FHIT: variants seen among roughly 807,000 people sequenced by gnomAD.
The protein encoded by FHIT is fragile histidine triad diadenosine triphosphatase.
Under a neutral mutation model 17.9 loss-of-function variants are expected in FHIT, and 19 were observed. The observed-to-expected ratio is 1.06, with a 90% CI of 0.74 to 1.56. The LOEUF (loss-of-function observed/expected upper bound fraction) is 1.56, where lower values mean the gene tolerates loss of function less well. Ranked by LOEUF, FHIT falls within the 40% of genes most tolerant of loss-of-function variation. The pLI, the probability that FHIT is intolerant of heterozygous loss-of-function variation, is 0.00. For missense variants in FHIT, 248 were observed against 189.2 expected, an observed-to-expected ratio of 1.31 and a Z score of -1.82; for synonymous variants, 81 against 69.7, an observed-to-expected ratio of 1.16 and a Z score of -0.81.
At position 60,459,166 on chromosome 3, in the gene FHIT, G is replaced by C. The variant is rs1163040332; in HGVS notation, c.103+77694C>G. Among the ~76,000 whole-genome samples, 3 of 152,036 alleles carry C rather than the reference G, an allele frequency of 2.0e-5. 1 individual carries two copies. The highest frequency in any genetic ancestry group is 7.2e-5 in the African/African-American group (3 of 41,398). On this transcript the variant is annotated intron_variant, in intron 5 of 9. Transcript: ENST00000492590. ...AATTCTAGCTTCATCAAAATCACTT[G>C]GAGCTTTTACATTAATGTTTAAAAT...
chr3:59,864,102 T>C (rs1426994181), intron 8 of FHIT, among the ~76,000 whole-genome samples: 1 of 152,192 alleles, frequency 6.6e-6, no homozygotes, highest in African/African-American at 2.4e-5. Flanking sequence ...GTGATCGGCC[T>C]ATATTCTTAA....
chr3:60,191,603 T>A (rs1576283384), intron 5 of FHIT, among the ~76,000 whole-genome samples: 1 of 152,178 alleles, frequency 6.6e-6, no homozygotes. Flanking sequence ...AAAAGTAGTA[T>A]TTTTTTATAT....
intron 4 of FHIT, among the ~76,000 whole-genome samples, chr3:60,737,532 T>C (rs2042158160): frequency 6.6e-6 from 1 of 152,236 alleles, no homozygotes; most frequent in Admixed American, 6.5e-5. Context: ...TAGCATTGTG[T>C]TGGTACACCA....
rs867755438 is a variant in FHIT at position 60,373,890 on chromosome 3, T to C, written c.103+162970A>G. 2.0e-5 allele frequency among the ~76,000 whole-genome samples: 3 copies of C among 152,022 alleles called. No individual in the cohort carries two copies. The South Asian group carries it at 6.2e-4, about 32-fold the overall frequency. On this transcript the variant is annotated intron_variant, in intron 5 of 9. Coordinates refer to ENST00000492590, the MANE Select transcript of FHIT (RefSeq NM_002012.4). ...GGTAGCAGAAAAGCCAATAAGGAGG[T>C]TTTAGCCTAGGCACTTGGTTCTGGT... is the stretch of plus-strand genomic sequence containing the variant.
Position 59,918,615 on chromosome 3 carries a change from C to T in FHIT, c.348+3731G>A, listed in dbSNP as rs115567945. ...ATGCCCAGTATACCAGACAGAAGATCCTGGGGAATAGTAATCTTTGAGTAG... is the reference window on the plus strand; with the variant it reads ...ATGCCCAGTATACCAGACAGAAGATTCTGGGGAATAGTAATCTTTGAGTAG... On this transcript the variant is annotated intron_variant, in intron 8 of 9. Transcript: ENST00000492590. 6.0e-3 allele frequency among the ~76,000 whole-genome samples: 914 copies of T among 152,154 alleles called. 9 individuals carry two copies. The highest frequency in any genetic ancestry group is 0.021 in the African/African-American group (856 of 41,512).
At chr3:60,100,748 C>T (rs1704157872) in intron 5 of FHIT, among the ~76,000 whole-genome samples, 1 of 152,130 alleles carries the variant, frequency 6.6e-6, no homozygotes, top group South Asian at 2.1e-4. Context: ...GACTTCTTTT[C>T]TAATCCCTAA....
intron 5 of FHIT, among the ~76,000 whole-genome samples, chr3:60,375,000 A>G (rs979346234): frequency 1.3e-5 from 2 of 152,020 alleles, no homozygotes; most frequent in Non-Finnish European, 2.9e-5. Context: ...GGAGCCTGAA[A>G]GGAGAGACTC....
intron 8 of FHIT, among the ~76,000 whole-genome samples, chr3:59,901,472 A>C (rs771917654): frequency 1.3e-5 from 2 of 152,218 alleles, no homozygotes; most frequent in Non-Finnish European, 2.9e-5. Flanking sequence ...GAATCTGAAT[A>C]GACATTCCTC....
chr3:60,747,173 T>G (rs782095319), intron 4 of FHIT, among the ~76,000 whole-genome samples: 3 of 152,050 alleles, frequency 2.0e-5, no homozygotes, highest in Admixed American at 6.6e-5. Flanking sequence ...ATGTGAGTAT[T>G]CTCTCTGCAC....
At chr3:61,098,990 C>A (rs2035733167) in intron 2 of FHIT, among the ~76,000 whole-genome samples, 1 of 152,140 alleles carries the variant, frequency 6.6e-6, no homozygotes, top group African/African-American at 2.4e-5. Flanking sequence ...GCATCGTTGT[C>A]TTATGCTGAT....
At chr3:60,427,679 T>C (rs539894498) in intron 5 of FHIT, among the ~76,000 whole-genome samples, 1 of 152,292 alleles carries the variant, frequency 6.6e-6, no homozygotes, top group South Asian at 2.1e-4. Context: ...TGATTATGCC[T>C]AATTGAGTTA....
chr3:60,077,367 T>C (rs1048766728), intron 5 of FHIT: 2 of 152,006 alleles, frequency 1.3e-5, no homozygotes, highest in Admixed American at 1.3e-4. Flanking sequence ...TAAATTAGCA[T>C]ACCTGATGTC....
At chr3:61,126,916 G>A (rs555290755) in intron 2 of FHIT, among the ~76,000 whole-genome samples, 2 of 152,218 alleles carry the variant, frequency 1.3e-5, no homozygotes, top group South Asian at 4.2e-4. Flanking sequence ...TGAGGGAAAT[G>A]AAGGGCAGAG....
At chr3:60,616,637 T>C (rs929096371) in intron 4 of FHIT, among the ~76,000 whole-genome samples, 2 of 152,166 alleles carry the variant, frequency 1.3e-5, no homozygotes, top group Non-Finnish European at 2.9e-5. Context: ...GAAAGATCTA[T>C]ATAAGGAAAA....
chr3:60,680,524 T>G (rs1577062706), intron 4 of FHIT, among the ~76,000 whole-genome samples: 1 of 151,568 alleles, frequency 6.6e-6, no homozygotes, highest in South Asian at 2.1e-4. Flanking sequence ...CATGGTAAAA[T>G]GACTCTTGGT....
At chr3:60,272,497 T>C (rs1706910209) in intron 5 of FHIT, among the ~76,000 whole-genome samples, 1 of 152,120 alleles carries the variant, frequency 6.6e-6, no homozygotes, top group Non-Finnish European at 1.5e-5. Flanking sequence ...GAAGCAGTAA[T>C]GATGAATCCT....
intron 5 of FHIT, among the ~76,000 whole-genome samples, chr3:60,300,414 T>C (rs1708408603): frequency 1.3e-5 from 2 of 152,116 alleles, no homozygotes; most frequent in South Asian, 4.1e-4. Context: ...GTGGGGAGGA[T>C]TAGAGTCAAA....
chr3:60,902,787 C>T (rs1291991844), intron 3 of FHIT, among the ~76,000 whole-genome samples: 1 of 152,138 alleles, frequency 6.6e-6, no homozygotes, highest in Non-Finnish European at 1.5e-5. Flanking sequence ...ACCTGTAGAC[C>T]TGTCAGTTAC....
intron 3 of FHIT, among the ~76,000 whole-genome samples, chr3:61,031,132 A>G (rs2032990918): frequency 6.6e-6 from 1 of 152,192 alleles, no homozygotes; most frequent in Non-Finnish European, 1.5e-5. Context: ...AAAAGTTATT[A>G]TTATTTTTTA....
Sources: gnomAD v4.1 joint callset for allele counts (sites outside exome capture counted in the v4.1 genomes callset) on GRCh38, gnomAD v4.1.1 for gene constraint, MANE v1.5 for transcripts, NCBI Gene and HGNC (gene_info 2026-07-23, HGNC 2026-07-21) for gene names.